The following FARS2 variants were observed in gnomAD, a reference collection of about 807,000 sequenced individuals.
FARS2 encodes the protein phenylalanyl-tRNA synthetase 2, mitochondrial.
Under a neutral mutation model 46.4 loss-of-function variants are expected in FARS2, and 40 were observed. The observed-to-expected ratio is 0.86, with a 90% confidence interval of 0.67 to 1.12. The LOEUF (loss-of-function observed/expected upper bound fraction) is 1.12, where lower values mean the gene tolerates loss of function less well. FARS2 is among the 50% of genes most tolerant of loss of function. The probability of loss-of-function intolerance (pLI) is 0.00; values close to 1 mark genes in which losing one functional copy is unlikely to be tolerated. For synonymous variants in FARS2, 234 were observed against 214.9 expected, an observed-to-expected ratio of 1.09 and a Z score of -0.78; for missense variants, 513 against 567.9, an observed-to-expected ratio of 0.90 and a Z score of 0.98.
chr6:5,444,160 A>G (rs1764004850), intron 4 of FARS2, among the ~76,000 whole-genome samples: 1 of 151,518 alleles, frequency 6.6e-6, no homozygotes, highest in Non-Finnish European at 1.5e-5. Flanking sequence ...TATGTTCGCA[A>G]TATAATCTTT....
intron 4 of FARS2, among the ~76,000 whole-genome samples, chr6:5,454,573 T>A (rs1413599098): frequency 6.6e-6 from 1 of 152,192 alleles, no homozygotes; most frequent in Non-Finnish European, 1.5e-5. Context: ...CTCAATCTCC[T>A]GACCTTGTGA....
intron 6 of FARS2, among the ~76,000 whole-genome samples, chr6:5,626,668 C>G (rs1375534457): frequency 6.6e-6 from 1 of 152,222 alleles, no homozygotes; most frequent in Non-Finnish European, 1.5e-5. Flanking sequence ...CTGGTTAGAT[C>G]TCAGTTTTGA....
intron 2 of FARS2, among the ~76,000 whole-genome samples, chr6:5,384,991 A>G (rs928797529): frequency 1.6e-4 from 24 of 152,340 alleles, no homozygotes; most frequent in Middle Eastern, 6.8e-3. Flanking sequence ...CCCTGTGCTC[A>G]TCTCTGTAAC....
rs538619948 is a variant in FARS2 at position 5,566,916 on chromosome 6, T to G, written c.1065+21576T>G. 9.2e-5 allele frequency among the ~76,000 whole-genome samples: 14 copies of G among 152,362 alleles called. No homozygotes were observed. In the East Asian group the frequency reaches 2.7e-3, roughly 29 times the overall value. On this transcript the variant is annotated intron_variant, in intron 5 of 6. Transcript: ENST00000274680. ...TTTTAAAGGAGTGATAGGCAGCTTTTGAAACTGTCATTGCAAAACTGTCAC... is the reference window on the plus strand; with the variant it reads ...TTTTAAAGGAGTGATAGGCAGCTTTGGAAACTGTCATTGCAAAACTGTCAC...
intron 5 of FARS2, among the ~76,000 whole-genome samples, chr6:5,595,458 G>A (rs1223150303): frequency 6.6e-6 from 1 of 152,170 alleles, no homozygotes; most frequent in Non-Finnish European, 1.5e-5. Context: ...ATCAAGGCTG[G>A]TGAAACCAGA....
At chr6:5,270,326 C>T (rs1240022507) in intron 1 of FARS2, among the ~76,000 whole-genome samples, 1 of 152,158 alleles carries the variant, frequency 6.6e-6, no homozygotes, top group Non-Finnish European at 1.5e-5. Flanking sequence ...ATCCCACTTA[C>T]ACCCTTGGCT....
chr6:5,528,514 G>C (rs1769614118), intron 4 of FARS2, among the ~76,000 whole-genome samples: 1 of 152,158 alleles, frequency 6.6e-6, no homozygotes, highest in African/African-American at 2.4e-5. Flanking sequence ...TGCTTTCAAA[G>C]TAAACATCCC....
At chr6:5,627,965 A>T (rs2150711906) in intron 6 of FARS2, among the ~76,000 whole-genome samples, 1 of 147,250 alleles carries the variant, frequency 6.8e-6, no homozygotes, top group South Asian at 2.1e-4. Flanking sequence ...TAAATTGATG[A>T]TTTAAAAATT....
Position 5,764,521 on chromosome 6 carries a change from G to A in FARS2, c.1218-6770G>A, listed in dbSNP as rs1467968114. 2.0e-5 allele frequency among the ~76,000 whole-genome samples: 3 copies of A among 152,104 alleles called. No individual in the cohort carries two copies. Among genetic ancestry groups the A allele is most frequent in the African/African-American group, 7.2e-5 (3 of 41,408 alleles). ...GCAGGAGACAGATGAGGAGTGAGCCGGGGAAACCCAGTGTTTGTTACTCTG... is the reference window on the plus strand; with the variant it reads ...GCAGGAGACAGATGAGGAGTGAGCCAGGGAAACCCAGTGTTTGTTACTCTG... On this transcript the variant is annotated intron_variant, in intron 6 of 6. Coordinates refer to ENST00000274680, the MANE Select transcript of FARS2 (RefSeq NM_006567.5). The surrounding 1 kb of genome is among the most constrained non-coding windows in gnomAD (Gnocchi z 4.1).
In FARS2 at chr6:5,316,966, C is replaced by T. The variant is rs144617913; in HGVS notation, c.-21-51584C>T. 5.9e-3 allele frequency among the ~76,000 whole-genome samples: 891 copies of T among 152,278 alleles called. 2 individuals are homozygous for T. Among genetic ancestry groups the T allele is most frequent in the Non-Finnish European group, 0.01 (703 of 68,016 alleles). ...GGGGGAAAAGTAAAGCTGAGACCCCCTTGTGAAGGGCACAGCCGGTACAGC... is the reference window on the plus strand; with the variant it reads ...GGGGGAAAAGTAAAGCTGAGACCCCTTTGTGAAGGGCACAGCCGGTACAGC... On this transcript the variant is annotated intron_variant, in intron 1 of 6. Transcript: ENST00000274680.
At chr6:5,283,393 A>C (rs1388169887) in intron 1 of FARS2, among the ~76,000 whole-genome samples, 1 of 150,716 alleles carries the variant, frequency 6.6e-6, no homozygotes, top group Admixed American at 6.6e-5. Flanking sequence ...AAAAAAAAAA[A>C]AACAAATTAG....
At chr6:5,409,716 C>G (rs187211561) in intron 3 of FARS2, among the ~76,000 whole-genome samples, 2 of 152,318 alleles carry the variant, frequency 1.3e-5, no homozygotes, top group African/African-American at 4.8e-5. Context: ...CAGAATCTAT[C>G]TGGGAAGAAA....
At chr6:5,452,714 T>C (rs1764571885) in intron 4 of FARS2, 1 of 152,172 alleles carries the variant, frequency 6.6e-6, no homozygotes, top group Admixed American at 6.6e-5. Context: ...ATAGATTGGA[T>C]GGAGCAGAGA....
intron 4 of FARS2, among the ~76,000 whole-genome samples, chr6:5,485,147 T>A (rs1766699949): frequency 6.6e-6 from 1 of 152,158 alleles, no homozygotes; most frequent in African/African-American, 2.4e-5. Context: ...TTTCAGCTTC[T>A]ACAGAAATTT....
intron 1 of FARS2, among the ~76,000 whole-genome samples, chr6:5,333,194 C>G (rs1181971150): frequency 3.3e-5 from 5 of 150,044 alleles, no homozygotes; most frequent in Non-Finnish European, 7.5e-5. Flanking sequence ...TTAAGCAATA[C>G]TGTTTATTTT....
chr6:5,706,351 T>C (rs1047945039), intron 6 of FARS2, among the ~76,000 whole-genome samples: 8 of 152,326 alleles, frequency 5.3e-5, no homozygotes, highest in South Asian at 2.1e-4. Context: ...GACAGCTCTC[T>C]GAGGGCAGGG....
At chr6:5,658,568 C>T (rs1239334135) in intron 6 of FARS2, among the ~76,000 whole-genome samples, 1 of 152,192 alleles carries the variant, frequency 6.6e-6, no homozygotes, top group Non-Finnish European at 1.5e-5. Context: ...CATACATTGC[C>T]TCTTTAAGAA....
chr6:5,408,427 A>G (rs183673182), intron 3 of FARS2, among the ~76,000 whole-genome samples: 36 of 152,340 alleles, frequency 2.4e-4, no homozygotes, highest in African/African-American at 7.9e-4. Context: ...GTCCACGGAA[A>G]GAAGGAAAGA....
chr6:5,733,227 T>C (rs1417650803), intron 6 of FARS2, among the ~76,000 whole-genome samples: 1 of 152,164 alleles, frequency 6.6e-6, no homozygotes, highest in Admixed American at 6.5e-5. Context: ...CATCATGACA[T>C]GGGGAGGAAA....
Sources: gnomAD v4.1 joint callset for allele counts (sites outside exome capture counted in the v4.1 genomes callset) on GRCh38, gnomAD v4.1.1 for gene constraint, Gnocchi (gnomAD v3.1) non-coding constraint, MANE v1.5 for transcripts, NCBI Gene and HGNC (gene_info 2026-07-23, HGNC 2026-07-21) for gene names.